Variants in FAHD2B observed in about 807,000 individuals in gnomAD.
FAHD2B encodes the protein fumarylacetoacetate hydrolase domain containing 2B, also known as oxaloacetate tautomerase FAHD2B, mitochondrial.
FAHD2B carries 26 observed loss-of-function variants against 33.7 expected under a neutral mutation model. The observed-to-expected ratio is 0.77, with a 90% CI of 0.57 to 1.07. FAHD2B has a LOEUF of 1.07. FAHD2B is among the 50% of genes least tolerant of loss of function. The probability of loss-of-function intolerance (pLI) is 0.00; values close to 1 mark genes in which losing one functional copy is unlikely to be tolerated. For synonymous variants in FAHD2B, 108 were observed against 150.9 expected (o/e 0.72, Z 2.08); for missense variants, 272 against 388.1 (o/e 0.70, Z 2.51).
At chr2:97,083,582 C>G, downstream of FAHD2B, 1 of 1,151,254 alleles carries the variant, frequency 8.7e-7, no homozygotes, top group Non-Finnish European at 1.2e-6. Context: ...ACAAGCCAAG[C>G]TGCTGCTTTG....
chr2:97,085,766 C>G lies in FAHD2B; in HGVS notation c.618G>C (p.Leu206=), dbSNP rs2031938188. ...WLTRRNGKQW[L]LGKTFDTFCP... ...AGAAGGTGTCGAAGGTTTTTCCCAG[C>G]AGCCACTGTTTCCCATTGCGTCTTG... The change falls in exon 6 of 9, where the codon CTG becomes CTC. Residue 206 remains leucine (L), a synonymous_variant. Transcript: ENST00000414820. The G allele has an allele frequency of 5.0e-6, 8 of 1,613,856 alleles. 1 individual carries two copies. The highest frequency in any genetic ancestry group is 5.1e-6 in the Non-Finnish European group (6 of 1,179,868).
At chr2:97,081,249 G>A (rs1181065587), downstream of FAHD2B, 1 of 1,484,924 alleles carries the variant, frequency 6.7e-7, no homozygotes, top group Non-Finnish European at 9.0e-7. Context: ...TGCTGCTAAA[G>A]GTCAGGCCTC....
At chr2:97,088,912 AATGTGTGTTTGCC>A (rs1197213414) in intron 4 of FAHD2B, among the ~76,000 whole-genome samples, 1 of 152,118 alleles carries the variant, frequency 6.6e-6, no homozygotes, top group African/African-American at 2.4e-5. Context: ...CCAAAAAAAA[AATGTGTGTTTGCC>A]ATGTGAAGGG....
Position 97,085,791 on chromosome 2 carries a change from G to A in FAHD2B, c.593C>T (p.Thr198Ile), listed in dbSNP as rs764315058. The change falls in exon 6 of 9, where the codon ACA (threonine) becomes ATA (isoleucine). Residue 198 changes from threonine (T) to isoleucine (I), a missense_variant. Transcript: ENST00000414820. ...AHDVSARDWL[T>I]RRNGKQWLLG... ...CAGCCACTGTTTCCCATTGCGTCTT[G>A]TTAGCCAGTCACGAGCACTCACGTC... 3 of 1,613,718 alleles carry A rather than the reference G, an allele frequency of 1.9e-6. No individual in the cohort carries two copies. The highest frequency in any genetic ancestry group is 2.2e-5 in the East Asian group (1 of 44,894).
downstream of FAHD2B, chr2:97,081,344 C>G: frequency 6.4e-7 from 1 of 1,563,302 alleles, no homozygotes; most frequent in South Asian, 1.2e-5. Context: ...CTGAAACCTC[C>G]TGGGTGGTAG....
chr2:97,089,678 C>T (rs2032213428), intron 4 of FAHD2B: 1 of 182,132 alleles, frequency 5.5e-6, no homozygotes, highest in Admixed American at 5.4e-5. Flanking sequence ...CTGTACATCA[C>T]AAAACTCCAA....
In FAHD2B at chr2:97,091,561, C is replaced by A. The variant is rs1440287128; in HGVS notation, c.146G>T (p.Gly49Val). Residue 49 changes from glycine (G) to valine (V), a missense_variant, in exon 3 of 9, where the codon GGT (glycine) becomes GTT (valine). By Grantham distance (109) the Gly-to-Val change is moderately radical. Coordinates refer to ENST00000414820, the MANE Select transcript of FAHD2B (RefSeq NM_001320848.2). ...GGCATTGAGGTTGATAACCCCTCCA[C>A]CATTCCCTGTCTCCAGGCCCAAGTG... ...GPHLGLETGN[G>V]GGVINLNAFD... 6.2e-7 allele frequency: 1 copy of A among 1,613,732 alleles called. No individual in the cohort carries two copies. The highest frequency in any genetic ancestry group is 1.7e-5 in the Admixed American group (1 of 59,924).
intron 4 of FAHD2B, among the ~76,000 whole-genome samples, chr2:97,088,556 C>A (rs1414369539): frequency 6.6e-6 from 1 of 152,124 alleles, no homozygotes; most frequent in Non-Finnish European, 1.5e-5. Flanking sequence ...AACTGTAAGT[C>A]CAATTAAACC....
downstream of FAHD2B, among the ~76,000 whole-genome samples, chr2:97,079,740 C>G (rs1298234209): frequency 6.6e-6 from 1 of 151,616 alleles, no homozygotes; most frequent in African/African-American, 2.4e-5. Flanking sequence ...TCTCGGCTCA[C>G]GGCAACCTCC....
chr2:97,078,797 G>T (rs2031561819), downstream of FAHD2B, among the ~76,000 whole-genome samples: 1 of 152,020 alleles, frequency 6.6e-6, no homozygotes, highest in Admixed American at 6.6e-5. Context: ...TGTGCAGGAT[G>T]TGCAGGTTTG....
chr2:97,091,191 T>C (rs28570161), intron 3 of FAHD2B, among the ~76,000 whole-genome samples: 3,048 of 89,852 alleles, frequency 0.034, 222 homozygotes, highest in African/African-American at 0.084. Flanking sequence ...GAGGAGGCAG[T>C]GTGATGAAGT....
rs2032566194 is a variant in FAHD2B, at chr2:97,094,862, C to G, written c.-294G>C. 1 of 133,512 alleles carries G rather than the reference C, an allele frequency of 7.5e-6. No homozygotes were observed. Among genetic ancestry groups the G allele is most frequent in the Non-Finnish European group, 1.6e-5 (1 of 62,984 alleles). 8.3% of individuals were successfully genotyped at this position (133,512 alleles called of 1,614,324 possible). A position where few individuals can be genotyped will look rare whatever the true frequency, so the allele number is the denominator to read the frequency against. Reference sequence around the variant, plus strand: ...CACTGCCGCTCGGTGCGCACTCCAGCGAGAAGCGGGCGCGTCCTGTGACGT... The same window carrying G: ...CACTGCCGCTCGGTGCGCACTCCAGGGAGAAGCGGGCGCGTCCTGTGACGT... On this transcript the variant is annotated 5_prime_UTR_variant, in exon 1 of 9. Coordinates refer to ENST00000414820, the MANE Select transcript of FAHD2B (RefSeq NM_001320848.2).
At chr2:97,086,104 C>T (rs1036560887) in intron 5 of FAHD2B, 35 bp downstream of exon 5, 1 of 1,610,512 alleles carries the variant, frequency 6.2e-7, no homozygotes, top group Non-Finnish European at 8.5e-7. Flanking sequence ...GCCTCTGCTG[C>T]ACTCTGGCCT....
chr2:97,081,988 C>T (rs1226560057), downstream of FAHD2B: 48 of 1,433,012 alleles, frequency 3.3e-5, no homozygotes, highest in Admixed American at 1.8e-4. Context: ...ACAATGGCTC[C>T]GGGTCCGGCC....
downstream of FAHD2B, chr2:97,083,140 C>T (rs1316953865): frequency 1.1e-5 from 18 of 1,571,648 alleles, 1 homozygote; most frequent in African/African-American, 5.4e-5. Flanking sequence ...TTCCATGGCC[C>T]AGGTTCTGCA....
In FAHD2B at chr2:97,090,181, G is replaced by C. The variant is rs1302182478; in HGVS notation, c.390C>G (p.Pro130=). 1.2e-6 allele frequency: 2 copies of C among 1,610,898 alleles called. No individual in the cohort carries two copies. The highest frequency in any genetic ancestry group is 2.2e-5 in the South Asian group (2 of 90,688). Residue 130 remains proline (P), a synonymous_variant, in exon 4 of 9, where the codon CCC becomes CCG. Transcript: ENST00000414820. ...AGCTGGCAAACTTGCTGAAGATGAT[G>C]GGCTCCTTGGGCACGGGCACGTTCT... ...KEQNVPVPKE[P]IIFSKFASSI...
At chr2:97,082,132 C>T (rs1351206170), downstream of FAHD2B, 7 of 1,568,772 alleles carry the variant, frequency 4.5e-6, no homozygotes, top group Non-Finnish European at 6.0e-6. Flanking sequence ...CAAAAAGCTG[C>T]CCCTGGAGGG....
rs1228801401 is a variant in FAHD2B at position 97,090,820 on chromosome 2, A to G, written c.246-495T>C. Among the ~76,000 whole-genome samples the G allele has an allele frequency of 3.3e-5, 5 of 150,546 alleles. No homozygotes were observed. The East Asian group carries it at 5.9e-4, about 18-fold the overall frequency. On this transcript the variant is annotated intron_variant, in intron 3 of 8. Coordinates refer to ENST00000414820, the MANE Select transcript of FAHD2B (RefSeq NM_001320848.2). ...CTATAGAGATATACCCAAGTCCCTAATGAGGGGCATGGAGATTTCCAGTCT... is the reference window on the plus strand; with the variant it reads ...CTATAGAGATATACCCAAGTCCCTAGTGAGGGGCATGGAGATTTCCAGTCT...
intron 6 of FAHD2B, among the ~76,000 whole-genome samples, 185 bp downstream of exon 6, chr2:97,085,514 G>A (rs2031917467): frequency 6.6e-6 from 1 of 152,068 alleles, no homozygotes; most frequent in Admixed American, 6.6e-5. Flanking sequence ...CCCTCTAGGG[G>A]GCTTGGGAAG....
Sources: gnomAD v4.1 joint callset for allele counts (sites outside exome capture counted in the v4.1 genomes callset) on GRCh38, gnomAD v4.1.1 for gene constraint, MANE v1.5 for transcripts, NCBI Gene and HGNC (gene_info 2026-07-23, HGNC 2026-07-21) for gene names.